The following CTNNA2 variants were observed in gnomAD, a reference collection of about 807,000 sequenced individuals.
The protein encoded by CTNNA2 is catenin alpha-2.
Under a neutral mutation model 101.0 loss-of-function variants are expected in CTNNA2, and 42 were observed. The observed-to-expected ratio is 0.42, with a 90% CI of 0.32 to 0.54. CTNNA2 has a LOEUF of 0.54. Ranked by LOEUF, CTNNA2 falls within the 20% of genes least tolerant of loss-of-function variation. The pLI is 0.14. For missense variants in CTNNA2, 871 were observed against 1,223.1 expected (o/e 0.71, Z 4.29); for synonymous variants, 450 against 456.4 (o/e 0.99, Z 0.18).
intron 6 of CTNNA2, among the ~76,000 whole-genome samples, chr2:79,889,954 G>T (rs537389608): frequency 6.6e-6 from 1 of 152,302 alleles, no homozygotes; most frequent in Non-Finnish European, 1.5e-5. Flanking sequence ...TGTGACAGGA[G>T]AAATTCCAAA....
chr2:80,584,724 C>T (rs1317665927), intron 14 of CTNNA2, among the ~76,000 whole-genome samples: 1 of 152,020 alleles, frequency 6.6e-6, no homozygotes, highest in African/African-American at 2.4e-5. Flanking sequence ...TCCTCGTATG[C>T]TACCACATAA....
At chr2:80,374,861 C>G (rs928180982) in intron 7 of CTNNA2, among the ~76,000 whole-genome samples, 1 of 152,072 alleles carries the variant, frequency 6.6e-6, no homozygotes, top group African/African-American at 2.4e-5. Flanking sequence ...GTTTAGCACT[C>G]CACAATGTGA....
chr2:80,285,875 A>G (rs934597072), intron 7 of CTNNA2, among the ~76,000 whole-genome samples: 4 of 152,202 alleles, frequency 2.6e-5, no homozygotes, highest in Non-Finnish European at 5.9e-5. Flanking sequence ...AAAATTCCCT[A>G]TACAACAAAG....
chr2:79,701,559 A>G (rs1685002467), intron 2 of CTNNA2, among the ~76,000 whole-genome samples: 1 of 152,220 alleles, frequency 6.6e-6, no homozygotes, highest in Admixed American at 6.5e-5. Flanking sequence ...TACTGGGTCT[A>G]GGACTAGACA....
chr2:79,544,078 C>T (rs1673580986), intron 1 of CTNNA2, among the ~76,000 whole-genome samples: 1 of 152,086 alleles, frequency 6.6e-6, no homozygotes, highest in Non-Finnish European at 1.5e-5. Flanking sequence ...GCTGAGACTA[C>T]AGGCGTGCGC....
intron 2 of CTNNA2, among the ~76,000 whole-genome samples, chr2:79,257,958 G>A (rs906901431): frequency 6.6e-6 from 1 of 151,952 alleles, no homozygotes; most frequent in Non-Finnish European, 1.5e-5. Context: ...GCAATCTTTG[G>A]CATCCCTTGG....
intron 3 of CTNNA2, among the ~76,000 whole-genome samples, chr2:79,809,439 G>A (rs549080131): frequency 4.6e-5 from 7 of 152,114 alleles, no homozygotes; most frequent in African/African-American, 7.2e-5. Context: ...CTCCACATCC[G>A]CTCCAGCATC....
At chr2:79,834,199 C>T (rs189633386) in intron 3 of CTNNA2, among the ~76,000 whole-genome samples, 111 of 152,150 alleles carry the variant, frequency 7.3e-4, no homozygotes, top group African/African-American at 2.6e-3. Context: ...TTTCCTGGGA[C>T]AGTGACACTA....
At chr2:80,259,788 A>G (rs1340915695) in intron 7 of CTNNA2, among the ~76,000 whole-genome samples, 1 of 152,190 alleles carries the variant, frequency 6.6e-6, no homozygotes, top group Admixed American at 6.5e-5. Context: ...TCATTCTTCA[A>G]CTAAGTTACT....
rs192586534 is a variant in CTNNA2 at position 79,270,160 on chromosome 2, C to T, written c.-405-42549C>T. On this transcript the variant is annotated intron_variant, in intron 2 of 21. Transcript: ENST00000466387. ...TCTTGGGGATTCATTTCTAGTTTCA[C>T]AGGAAAAACATTGAATTGGTCACTT... Among the ~76,000 whole-genome samples the T allele has an allele frequency of 1.4e-3, 214 of 152,118 alleles. 2 individuals are homozygous for T. The highest frequency in any genetic ancestry group is 0.012 in the Admixed American group (183 of 15,264).
chr2:79,518,080 T>C (rs578207318), intron 1 of CTNNA2, among the ~76,000 whole-genome samples: 2 of 152,344 alleles, frequency 1.3e-5, no homozygotes, highest in Admixed American at 6.5e-5. Context: ...CGATGTCTAC[T>C]ATAATCTATG....
chr2:80,527,912 G>T (rs1009044127), intron 9 of CTNNA2, among the ~76,000 whole-genome samples: 1 of 152,180 alleles, frequency 6.6e-6, no homozygotes, highest in African/African-American at 2.4e-5. Context: ...ATACACAAGG[G>T]CGAGTACATC....
intron 2 of CTNNA2, among the ~76,000 whole-genome samples, chr2:79,661,849 T>C (rs1682058024): frequency 6.6e-6 from 1 of 152,000 alleles, no homozygotes; most frequent in South Asian, 2.1e-4. Context: ...TTTTATTTTC[T>C]TACAGATTAA....
At chr2:80,033,351 T>A (rs1695428274) in intron 7 of CTNNA2, among the ~76,000 whole-genome samples, 1 of 151,944 alleles carries the variant, frequency 6.6e-6, no homozygotes. Context: ...GAGGAAGGTG[T>A]CTCTCAAGCC....
chr2:79,541,427 C>CACACAT (rs1485339148), intron 1 of CTNNA2, among the ~76,000 whole-genome samples: 3 of 142,810 alleles, frequency 2.1e-5, no homozygotes, highest in African/African-American at 7.7e-5. Context: ...CGCACACACA[C>CACACAT]ATATATATAT....
intron 3 of CTNNA2, among the ~76,000 whole-genome samples, chr2:79,790,307 G>T (rs1056503253): frequency 1.3e-5 from 2 of 152,178 alleles, no homozygotes; most frequent in Non-Finnish European, 2.9e-5. Context: ...AAGGGGAAAG[G>T]CACTAGAGAG....
At chr2:79,989,719 T>C (rs953546458) in intron 7 of CTNNA2, among the ~76,000 whole-genome samples, 22 of 152,178 alleles carry the variant, frequency 1.4e-4, no homozygotes, top group Non-Finnish European at 1.2e-4. Flanking sequence ...TTTGATTGAC[T>C]CTCTAGGCCT....
exon 2 of CTNNA2, chr2:79,197,959 A>G (rs556568329): frequency 6.6e-6 from 1 of 152,388 alleles, no homozygotes; most frequent in African/African-American, 2.4e-5. Context: ...TTTTTTGTAG[A>G]GACGGGATCT....
intron 7 of CTNNA2, among the ~76,000 whole-genome samples, chr2:80,148,393 A>T (rs1460461377): frequency 1.3e-5 from 2 of 152,222 alleles, no homozygotes. Flanking sequence ...AATCCCAAAG[A>T]ATACAAAGGC....
Sources: gnomAD v4.1 joint callset for allele counts (sites outside exome capture counted in the v4.1 genomes callset) on GRCh38, gnomAD v4.1.1 for gene constraint, MANE v1.5 for transcripts, NCBI Gene and HGNC (gene_info 2026-07-23, HGNC 2026-07-21) for gene names.